Variants in BACH2 observed in about 807,000 individuals in gnomAD.
BACH2 encodes the protein transcription regulator protein BACH2.
BACH2 carries 5 observed loss-of-function variants against 61.8 expected under a neutral mutation model. That is an observed-to-expected ratio of 0.08 (90% CI 0.04 to 0.17). BACH2 has a LOEUF of 0.17. Ranked by LOEUF, BACH2 falls within the 10% of genes least tolerant of loss-of-function variation. The probability of loss-of-function intolerance (pLI) is 1.00; values close to 1 mark genes in which losing one functional copy is unlikely to be tolerated. For synonymous variants in BACH2, 446 were observed against 440.1 expected, an observed-to-expected ratio of 1.01 and a Z score of -0.17; for missense variants, 824 against 1,091.1, an observed-to-expected ratio of 0.76 and a Z score of 3.45.
chr6:89,932,923 TCAAGCCTGAA>T (rs753744995), intron 8 of BACH2, 33 bp from the exon 9 acceptor site: 4 of 1,539,022 alleles, frequency 2.6e-6, no homozygotes, highest in East Asian at 4.5e-5. Flanking sequence ...GAAGGGTTGA[TCAAGCCTGAA>T]CTGGAGGACA....
At chr6:90,055,284 C>T (rs931328630) in intron 5 of BACH2, among the ~76,000 whole-genome samples, 7 of 152,038 alleles carry the variant, frequency 4.6e-5, no homozygotes, top group South Asian at 2.1e-4. Flanking sequence ...GTAAAGGACC[C>T]GATGGAGCTG....
chr6:90,245,963 A>C (rs1770622149), intron 3 of BACH2, among the ~76,000 whole-genome samples: 1 of 152,186 alleles, frequency 6.6e-6, no homozygotes, highest in Non-Finnish European at 1.5e-5. Flanking sequence ...AATGCAGCAC[A>C]AAGGGGTGGA....
chr6:89,943,176 G>A (rs62408171), intron 7 of BACH2, among the ~76,000 whole-genome samples: 24,190 of 152,022 alleles, frequency 0.16, 2,027 homozygotes, highest in East Asian at 0.26. Context: ...GGATTCTTAG[G>A]TCCAGGTGTG....
intron 3 of BACH2, among the ~76,000 whole-genome samples, 171 bp downstream of exon 3, chr6:90,252,327 TTGGGCCCCAAAGCTA>T (rs935298669): frequency 2.4e-4 from 36 of 152,244 alleles, no homozygotes; most frequent in African/African-American, 8.4e-4. Flanking sequence ...AAAGAGAGCT[TTGGGCCCCAAAGCTA>T]TGGGCCCCAC....
intron 4 of BACH2, among the ~76,000 whole-genome samples, chr6:90,168,700 T>C (rs1767712146): frequency 6.6e-6 from 1 of 152,092 alleles, no homozygotes. Context: ...TATGTCAGAA[T>C]GATTTAGCAG....
intron 6 of BACH2, among the ~76,000 whole-genome samples, chr6:89,968,161 T>C (rs151064124): frequency 0.013 from 1,968 of 152,326 alleles, 39 homozygotes; most frequent in African/African-American, 0.044. Flanking sequence ...ACAGGGAAGA[T>C]GGTATCCACC....
chr6:90,261,847 C>A (rs1247895080), intron 2 of BACH2, among the ~76,000 whole-genome samples: 1 of 152,082 alleles, frequency 6.6e-6, no homozygotes, highest in East Asian at 1.9e-4. Context: ...ATACTCATAA[C>A]CAATCAGTTA....
intron 1 of BACH2, among the ~76,000 whole-genome samples, chr6:90,282,288 T>C (rs1413110879): frequency 3.3e-5 from 5 of 152,178 alleles, no homozygotes; most frequent in Non-Finnish European, 7.4e-5. Flanking sequence ...CCATTAGTTA[T>C]TTTCCCTGAT....
At chr6:90,276,691 C>A (rs746597234) in intron 1 of BACH2, among the ~76,000 whole-genome samples, 2 of 152,082 alleles carry the variant, frequency 1.3e-5, no homozygotes, top group Non-Finnish European at 2.9e-5. Context: ...TTGGAATGTA[C>A]CTTCCTGCCA....
intron 5 of BACH2, among the ~76,000 whole-genome samples, chr6:90,079,949 G>A (rs1247337532): frequency 1.3e-5 from 2 of 151,360 alleles, no homozygotes; most frequent in African/African-American, 2.4e-5. Flanking sequence ...GACTTTCAGG[G>A]AAAACAATGT....
At chr6:90,029,683 CTT>C (rs1477012794) in intron 5 of BACH2, among the ~76,000 whole-genome samples, 6 of 152,174 alleles carry the variant, frequency 3.9e-5, no homozygotes, top group African/African-American at 1.4e-4. Context: ...CTAAAAAAGA[CTT>C]TTCCTAATCC....
At position 90,017,514 on chromosome 6, in the gene BACH2, G is replaced by A. The variant is rs1397139659; in HGVS notation, c.-12-8658C>T. On this transcript the variant is annotated intron_variant, in intron 5 of 8. Coordinates refer to ENST00000257749, the MANE Select transcript of BACH2 (RefSeq NM_021813.4). ...TGGGATCACAGGCTTGAGTCATCATGCCTAGCCACATTGGTTATTTTCTAT... is the reference window on the plus strand; with the variant it reads ...TGGGATCACAGGCTTGAGTCATCATACCTAGCCACATTGGTTATTTTCTAT... Among the ~76,000 whole-genome samples, 4 of 152,238 alleles carry A rather than the reference G, an allele frequency of 2.6e-5. No homozygotes were observed. The South Asian group carries it at 8.3e-4, about 32-fold the overall frequency.
intron 6 of BACH2, among the ~76,000 whole-genome samples, chr6:89,989,584 T>C (rs976821078): frequency 2.0e-5 from 3 of 152,014 alleles, no homozygotes; most frequent in Non-Finnish European, 4.4e-5. Context: ...GCAGCATGCA[T>C]TATAGTTGCA....
At chr6:90,180,410 C>T (rs569184780) in intron 4 of BACH2, among the ~76,000 whole-genome samples, 37 of 152,252 alleles carry the variant, frequency 2.4e-4, no homozygotes, top group Non-Finnish European at 4.9e-4. Context: ...TTTAGGCATA[C>T]TAGTGTTTTT....
At chr6:90,096,581 C>T (rs530429288) in intron 4 of BACH2, among the ~76,000 whole-genome samples, 1 of 152,338 alleles carries the variant, frequency 6.6e-6, no homozygotes, top group Admixed American at 6.5e-5. Context: ...TGAATGGCTA[C>T]ACCAATACAT....
intron 3 of BACH2, among the ~76,000 whole-genome samples, chr6:90,217,292 T>C (rs772708552): frequency 1.3e-5 from 2 of 152,194 alleles, no homozygotes; most frequent in Non-Finnish European, 1.5e-5. Flanking sequence ...CGTGAAGTTC[T>C]ATGGTCACTA....
intron 4 of BACH2, among the ~76,000 whole-genome samples, chr6:90,198,348 A>T (rs1768836259): frequency 6.6e-6 from 1 of 151,988 alleles, no homozygotes; most frequent in Non-Finnish European, 1.5e-5. Flanking sequence ...CCACTCATCC[A>T]CCGACTCTCC....
At chr6:90,091,069 C>T (rs1224658996) in intron 4 of BACH2, among the ~76,000 whole-genome samples, 1 of 152,082 alleles carries the variant, frequency 6.6e-6, no homozygotes, top group Non-Finnish European at 1.5e-5. Flanking sequence ...AAGTATGTGC[C>T]CACTCATTGG....
intron 7 of BACH2, among the ~76,000 whole-genome samples, chr6:89,945,343 G>A (rs1371832072): frequency 2.0e-5 from 3 of 152,134 alleles, no homozygotes; most frequent in African/African-American, 4.8e-5. Flanking sequence ...TATTACTCAG[G>A]AATTAAAAGC....
Sources: allele counts gnomAD v4.1 joint callset (sites outside exome capture counted in the v4.1 genomes callset), GRCh38; gene constraint gnomAD v4.1.1; transcripts MANE v1.5; gene names NCBI Gene and HGNC (gene_info 2026-07-23, HGNC 2026-07-21).